The following RHPN2 variants were observed in gnomAD, a reference collection of about 807,000 sequenced individuals.
The protein encoded by RHPN2 is rhophilin Rho GTPase binding protein 2, also known as rhophilin-2.
RHPN2 carries 40 observed loss-of-function variants against 79.0 expected under a neutral mutation model. The observed-to-expected ratio is 0.51, with a 90% CI of 0.39 to 0.66. RHPN2 has a LOEUF of 0.66. RHPN2 is among the 30% of genes least tolerant of loss of function. The pLI, the probability that RHPN2 is intolerant of heterozygous loss-of-function variation, is 0.00. For missense variants in RHPN2, 686 were observed against 883.5 expected (o/e 0.78, Z 2.83); for synonymous variants, 285 against 363.5 (o/e 0.78, Z 2.46).
chr19:33,013,745 G>A (rs998186668), intron 4 of RHPN2, among the ~76,000 whole-genome samples: 30 of 152,080 alleles, frequency 2.0e-4, no homozygotes, highest in African/African-American at 7.2e-4. Context: ...CTCAGGACCC[G>A]GACAAGTTTC....
At position 33,031,487 on chromosome 19, in the gene RHPN2, C is replaced by T. The variant is rs976637197; in HGVS notation, c.186-4855G>A. 2.0e-5 allele frequency among the ~76,000 whole-genome samples: 3 copies of T among 152,076 alleles called. 1 individual carries two copies. Among genetic ancestry groups the T allele is most frequent in the Admixed American group, 1.3e-4 (2 of 15,230 alleles). ...CTCCAACTCCTGGGCTCAAGCAATC[C>T]GCCTGCCTCAGGCTTCCAAAGTGCT... On this transcript the variant is annotated intron_variant, in intron 2 of 14. Transcript: ENST00000254260.
At chr19:33,034,703 C>T (rs1383966669) in intron 2 of RHPN2, among the ~76,000 whole-genome samples, 5 of 144,930 alleles carry the variant, frequency 3.4e-5, no homozygotes, top group Non-Finnish European at 6.0e-5. Flanking sequence ...ATCGCTTGAA[C>T]CTGGGAGGCG....
chr19:33,043,239 A>G (rs1316829185), intron 2 of RHPN2, among the ~76,000 whole-genome samples: 1 of 151,750 alleles, frequency 6.6e-6, no homozygotes, highest in East Asian at 1.9e-4. Flanking sequence ...GCGAAACTCC[A>G]TCTGAAAAAA....
At chr19:33,025,325 A>C (rs1436376111) in intron 3 of RHPN2, among the ~76,000 whole-genome samples, 1 of 151,162 alleles carries the variant, frequency 6.6e-6, no homozygotes, top group African/African-American at 2.4e-5. Context: ...AAAAAAAAAA[A>C]AAAACAATTA....
chr19:32,979,807 CT>C lies in RHPN2; in HGVS notation c.*188del, dbSNP rs1599802203. 1.5e-6 allele frequency: 1 copy of C among 661,402 alleles called. No homozygotes were observed. Among genetic ancestry groups the C allele is most frequent in the Non-Finnish European group, 2.6e-6 (1 of 387,612 alleles). 41.0% of individuals were successfully genotyped at this position (661,402 alleles called of 1,614,324 possible). A position where few individuals can be genotyped will look rare whatever the true frequency, so the allele number is the denominator to read the frequency against. ...TATAGTAACACACCTCAAAAAAGTT[CT>C]TTTTTCACTAATTCCTAGAGGTTTC... is the stretch of plus-strand genomic sequence containing the variant. On this transcript the variant is annotated 3_prime_UTR_variant, in exon 15 of 15. Transcript: ENST00000254260.
At chr19:32,999,045 G>C (rs551794863) in intron 10 of RHPN2, among the ~76,000 whole-genome samples, 25 of 151,782 alleles carry the variant, frequency 1.6e-4, no homozygotes, top group Non-Finnish European at 1.3e-4. Context: ...GAAAAGAAGC[G>C]TGGAGAGTGA....
At chr19:33,049,631 C>T (rs998897684) in intron 1 of RHPN2, among the ~76,000 whole-genome samples, 1 of 152,144 alleles carries the variant, frequency 6.6e-6, no homozygotes, top group Non-Finnish European at 1.5e-5. Context: ...CCGTCAGTCC[C>T]GAAACTTGAA....
At chr19:33,013,799 G>C (rs1874253666) in intron 4 of RHPN2, among the ~76,000 whole-genome samples, 2 of 152,140 alleles carry the variant, frequency 1.3e-5, no homozygotes, top group South Asian at 4.1e-4. Flanking sequence ...ACAGTCTCCA[G>C]ATACAGGTTT....
chr19:33,013,474 T>G (rs547095429), intron 4 of RHPN2, among the ~76,000 whole-genome samples: 1 of 152,094 alleles, frequency 6.6e-6, no homozygotes, highest in Non-Finnish European at 1.5e-5. Flanking sequence ...GGATTACAGG[T>G]GTGAGCCACT....
rs148273534 is a variant in RHPN2, at chr19:33,042,072, C to T, written c.185+2177G>A. 4.6e-3 allele frequency among the ~76,000 whole-genome samples: 703 copies of T among 152,092 alleles called. 3 individuals are homozygous for T. The highest frequency in any genetic ancestry group is 0.015 in the African/African-American group (628 of 41,444). Reference sequence around the variant, plus strand: ...GGTGTGCTGGCACGTGCCTGTAGTCCCAGCTATTTGGGAGGCTGAGGCAGG... The same window carrying T: ...GGTGTGCTGGCACGTGCCTGTAGTCTCAGCTATTTGGGAGGCTGAGGCAGG... On this transcript the variant is annotated intron_variant, in intron 2 of 14. Transcript: ENST00000254260.
intron 4 of RHPN2, among the ~76,000 whole-genome samples, chr19:33,021,170 C>T (rs1341409360): frequency 6.6e-6 from 1 of 152,144 alleles, no homozygotes; most frequent in Non-Finnish European, 1.5e-5. Context: ...TCCAACCTGC[C>T]TTGTCCAAGA....
intron 14 of RHPN2, 38 bp downstream of exon 14, chr19:32,990,476 C>T (rs748159591): frequency 7.4e-6 from 12 of 1,611,286 alleles, no homozygotes; most frequent in Middle Eastern, 1.6e-4. Context: ...TTTCACTCCA[C>T]GCCACCACTG....
intron 1 of RHPN2, among the ~76,000 whole-genome samples, chr19:33,052,323 G>A (rs545485839): frequency 6.6e-6 from 1 of 152,238 alleles, no homozygotes; most frequent in South Asian, 2.1e-4. Context: ...ACATGCAGAG[G>A]TGTTTCCAGC....
rs896617468 is a variant in RHPN2 at position 33,002,395 on chromosome 19, C to T, written c.957G>A (p.Glu319=). ...KVAQEAAKVG[E]VYQQLHAAMS... is the part of the protein sequence containing the mutation. ...TGGCTGCGTGTAGCTGTTGGTAGACCTCTCCCACCTGAAATAGAAGGGACA... is the reference window on the plus strand; with the variant it reads ...TGGCTGCGTGTAGCTGTTGGTAGACTTCTCCCACCTGAAATAGAAGGGACA... The change falls in exon 9 of 15, where the codon GAG becomes GAA. Residue 319 remains glutamate, a synonymous_variant. Transcript: ENST00000254260. The T allele has an allele frequency of 2.5e-6, 4 of 1,613,768 alleles. No individual in the cohort carries two copies. The Admixed American group carries it at 5.0e-5, about 20-fold the overall frequency.
At chr19:33,037,122 C>T (rs1413678205) in intron 2 of RHPN2, among the ~76,000 whole-genome samples, 2 of 152,146 alleles carry the variant, frequency 1.3e-5, no homozygotes, top group African/African-American at 2.4e-5. Context: ...GTAAATACAC[C>T]GATCGGCACT....
Position 33,014,163 on chromosome 19 carries a change from A to C in RHPN2, c.391-1439T>G, listed in dbSNP as rs550395607. Among the ~76,000 whole-genome samples the C allele has an allele frequency of 4.0e-5, 6 of 149,962 alleles. No homozygotes were observed. The South Asian group carries it at 1.3e-3, about 31-fold the overall frequency. The stretch of plus-strand genomic sequence containing the variant: ...ATAGATCGCTCAATTATGTCTTCCC[A>C]AGTGACTGTGAGTAACCTCTTTACA... On this transcript the variant is annotated intron_variant, in intron 4 of 14. Coordinates refer to ENST00000254260, the MANE Select transcript of RHPN2 (RefSeq NM_033103.5).
intron 1 of RHPN2, 34 bp from the exon 2 acceptor site, chr19:33,044,398 C>T (rs777415256): frequency 7.8e-6 from 11 of 1,406,614 alleles, no homozygotes; most frequent in African/African-American, 1.4e-5. Flanking sequence ...CTTCAGAGGT[C>T]GGCCACTCTA....
chr19:32,982,338 C>T (rs879622731), intron 14 of RHPN2, among the ~76,000 whole-genome samples: 7 of 151,902 alleles, frequency 4.6e-5, no homozygotes, highest in Non-Finnish European at 7.4e-5. Flanking sequence ...ACCCAGGAGG[C>T]GGAGGTTGCA....
rs1971556673 is a variant in RHPN2 at position 32,979,545 on chromosome 19, T to C, written c.*451A>G. ...ACTTTGGGACAGTTTTTAGTGACAC[T>C]AATTTAATTCTATCATTACAGTCCT... On this transcript the variant is annotated 3_prime_UTR_variant, in exon 15 of 15. Transcript: ENST00000254260. The C allele has an allele frequency of 6.2e-6, 1 of 161,056 alleles. No homozygotes were observed. Among genetic ancestry groups the C allele is most frequent in the Admixed American group, 6.1e-5 (1 of 16,496 alleles). The allele number at this position is 161,056 out of a possible 1,614,324, so 10.0% of individuals were successfully genotyped here. A position where few individuals can be genotyped will look rare whatever the true frequency, so the allele number is the denominator to read the frequency against.
Sources: gnomAD v4.1 joint callset for allele counts (sites outside exome capture counted in the v4.1 genomes callset) on GRCh38, gnomAD v4.1.1 for gene constraint, MANE v1.5 for transcripts, NCBI Gene and HGNC (gene_info 2026-07-23, HGNC 2026-07-21) for gene names.